The following VCL variants were observed in gnomAD, a reference collection of about 807,000 sequenced individuals.
VCL encodes the protein epididymis luminal protein 114.
Under a neutral mutation model 125.7 loss-of-function variants are expected in VCL, and 47 were observed. The ratio of observed to expected loss-of-function variants is 0.37; its 90% CI spans 0.30 to 0.48. The LOEUF (loss-of-function observed/expected upper bound fraction) is 0.48, where lower values mean the gene tolerates loss of function less well. Ranked by LOEUF, VCL falls within the 20% of genes least tolerant of loss-of-function variation. The pLI is 0.99. For synonymous variants in VCL, 458 were observed against 514.6 expected (o/e 0.89, Z 1.49); for missense variants, 1,069 against 1,455.5 (o/e 0.73, Z 4.32).
At chr10:74,083,792 A>G (rs1286523920) in intron 8 of VCL, among the ~76,000 whole-genome samples, 2 of 152,152 alleles carry the variant, frequency 1.3e-5, no homozygotes, top group Admixed American at 6.5e-5. Flanking sequence ...CCCAGGTTCA[A>G]GAGATTCTCC....
chr10:74,021,601 T>C (rs1325444991), intron 1 of VCL, among the ~76,000 whole-genome samples: 4 of 152,206 alleles, frequency 2.6e-5, no homozygotes, highest in Non-Finnish European at 4.4e-5. Flanking sequence ...CAAAACATGA[T>C]TGCCACATTT....
intron 1 of VCL, 65 bp downstream of exon 1, chr10:73,998,440 C>A: frequency 1.5e-6 from 2 of 1,302,386 alleles, no homozygotes; most frequent in South Asian, 4.7e-5. Flanking sequence ...CGGCCCGCGT[C>A]GCGGCTGCCT....
At chr10:74,075,783 T>C (rs1392000643) in intron 6 of VCL, 1 of 152,634 alleles carries the variant, frequency 6.6e-6, no homozygotes, top group Non-Finnish European at 1.5e-5. Flanking sequence ...AGTAGAACGG[T>C]ATGTTCTCCG....
At chr10:74,057,396 C>T (rs985663808) in intron 2 of VCL, among the ~76,000 whole-genome samples, 2 of 152,086 alleles carry the variant, frequency 1.3e-5, no homozygotes, top group African/African-American at 4.8e-5. Context: ...CTTAGGTTAA[C>T]AATTTAAATC....
intron 2 of VCL, among the ~76,000 whole-genome samples, chr10:74,051,718 A>G (rs1257260707): frequency 6.6e-6 from 1 of 152,226 alleles, no homozygotes; most frequent in African/African-American, 2.4e-5. Flanking sequence ...TAAATGAGTG[A>G]AATGATATAT....
chr10:74,102,271 C>A (rs1315465976), intron 14 of VCL, among the ~76,000 whole-genome samples: 1 of 141,642 alleles, frequency 7.1e-6, no homozygotes, highest in Non-Finnish European at 1.5e-5. Context: ...GTTTCTATAA[C>A]TTTCTTTTTT....
Position 74,082,439 on chromosome 10 carries a change from A to G in VCL, c.784-15A>G, listed in dbSNP as rs181563643. ...CTTTTGCAAAGAAAATAATGGTGGGATTTCTTCCCAAAAGGACACTGAAGC... is the reference window on the plus strand; with the variant it reads ...CTTTTGCAAAGAAAATAATGGTGGGGTTTCTTCCCAAAAGGACACTGAAGC... On this transcript the variant is annotated splice_polypyrimidine_tract_variant and intron_variant, in intron 6 of 21. Coordinates refer to ENST00000211998, the MANE Select transcript of VCL (RefSeq NM_014000.3). 2 of 1,613,762 alleles carry G rather than the reference A, an allele frequency of 1.2e-6. No homozygotes were observed. The highest frequency in any genetic ancestry group is 4.5e-5 in the East Asian group (2 of 44,868).
chr10:74,088,742 T>C lies in VCL; in HGVS notation c.1023-454T>C, dbSNP rs542078332. 7.7e-4 allele frequency among the ~76,000 whole-genome samples: 118 copies of C among 152,300 alleles called. 1 individual carries two copies. Among genetic ancestry groups the C allele is most frequent in the African/African-American group, 2.8e-3 (115 of 41,564 alleles). On this transcript the variant is annotated intron_variant, in intron 8 of 21. Coordinates refer to ENST00000211998, the MANE Select transcript of VCL (RefSeq NM_014000.3). ...TCTGCTTGTTCCCAGTCTGGTACAC[T>C]TTCATTAACACTATGCGTGCTTCCT...
At chr10:74,038,886 A>C (rs776004639) in intron 1 of VCL, among the ~76,000 whole-genome samples, 9 of 151,704 alleles carry the variant, frequency 5.9e-5, no homozygotes, top group Non-Finnish European at 1.0e-4. Context: ...TTTTTATTTC[A>C]TTGATTTAGA....
At chr10:74,107,794 A>C (rs1170659436) in intron 17 of VCL, among the ~76,000 whole-genome samples, 1 of 152,140 alleles carries the variant, frequency 6.6e-6, no homozygotes, top group Non-Finnish European at 1.5e-5. Flanking sequence ...TTTAAGTAAC[A>C]AGATACATGC....
chr10:74,105,186 T>G lies in VCL; in HGVS notation c.2267T>G (p.Ile756Ser). The stretch of plus-strand genomic sequence containing the variant: ...ATGCTGGTTGCTGGGGCAACCAGTA[T>G]TGCTCGTCGGGCCAACCGGATCCTG... ...PQMLVAGATS[I>S]ARRANRILLV... The change falls in exon 16 of 22, where the codon ATT becomes AGT. Residue 756 changes from isoleucine to serine, a missense_variant. Transcript: ENST00000211998. 6.2e-7 allele frequency: 1 copy of G among 1,614,148 alleles called. No homozygotes were observed. Among genetic ancestry groups the G allele is most frequent in the Non-Finnish European group, 8.5e-7 (1 of 1,180,014 alleles).
chr10:74,031,563 G>A (rs543223792), intron 1 of VCL, among the ~76,000 whole-genome samples: 1 of 152,262 alleles, frequency 6.6e-6, no homozygotes, highest in South Asian at 2.1e-4. Context: ...CTTCTTAAGT[G>A]TTACACCAAA....
In VCL at chr10:74,086,152, C is replaced by T. The variant is rs571427115; in HGVS notation, c.1022+2639C>T. Among the ~76,000 whole-genome samples the T allele has an allele frequency of 4.0e-3, 613 of 152,352 alleles. 6 individuals are homozygous for T. Among genetic ancestry groups the T allele is most frequent in the African/African-American group, 0.014 (586 of 41,576 alleles). On this transcript the variant is annotated intron_variant, in intron 8 of 21. Transcript: ENST00000211998. ...AAAGTGCTGGGATTACGGGTGTGAG[C>T]CACTGTGCCTGGCCAAGAATGCGGA... is the stretch of plus-strand genomic sequence containing the variant.
At chr10:74,073,929 A>G (rs1018283152) in intron 5 of VCL, among the ~76,000 whole-genome samples, 3 of 152,192 alleles carry the variant, frequency 2.0e-5, no homozygotes, top group Non-Finnish European at 4.4e-5. Context: ...AGGACATATG[A>G]GTATAAGAGT....
intron 1 of VCL, among the ~76,000 whole-genome samples, chr10:74,004,830 G>A (rs968462602): frequency 5.3e-5 from 8 of 151,800 alleles, no homozygotes; most frequent in East Asian, 1.9e-4. Flanking sequence ...TCAGCCTCCC[G>A]AGTAGCTGGG....
intron 16 of VCL, among the ~76,000 whole-genome samples, chr10:74,105,918 T>TAGTGCTGGGA (rs1564533248): frequency 9.5e-5 from 14 of 147,676 alleles, no homozygotes; most frequent in African/African-American, 3.3e-4. Flanking sequence ...TGCGCTTTTT[T>TAGTGCTGGGA]TTTTTTTTTT....
intron 2 of VCL, among the ~76,000 whole-genome samples, chr10:74,046,271 A>C (rs898511209): frequency 1.9e-4 from 29 of 152,146 alleles, no homozygotes; most frequent in Non-Finnish European, 3.7e-4. Context: ...TTTTTGAGAC[A>C]GGCTCTCACT....
chr10:74,025,303 A>G (rs536216247), intron 1 of VCL, among the ~76,000 whole-genome samples: 8 of 152,092 alleles, frequency 5.3e-5, no homozygotes, highest in Admixed American at 2.0e-4. Context: ...AGGCGTAGCC[A>G]TGGTGCCTGG....
At chr10:74,095,526 C>A in intron 11 of VCL, 130 bp from the exon 12 acceptor site, 1 of 1,160,438 alleles carries the variant, frequency 8.6e-7, no homozygotes, top group Non-Finnish European at 1.2e-6. Context: ...CAGGTCAAGG[C>A]TGCAATGAGC....
Sources: gnomAD v4.1 joint callset for allele counts (sites outside exome capture counted in the v4.1 genomes callset) on GRCh38, gnomAD v4.1.1 for gene constraint, MANE v1.5 for transcripts, NCBI Gene and HGNC (gene_info 2026-07-23, HGNC 2026-07-21) for gene names.